DNTTIP2: variants seen among roughly 807,000 people sequenced by gnomAD.
The protein encoded by DNTTIP2 is deoxynucleotidyltransferase terminal interacting protein 2, also known as deoxynucleotidyltransferase terminal-interacting protein 2.
In DNTTIP2, 47 loss-of-function variants were observed where a neutral mutation model predicts 62.4. That is an observed-to-expected ratio of 0.75 (90% CI 0.60 to 0.96). The LOEUF is 0.96. Ranked by LOEUF, DNTTIP2 falls within the 40% of genes least tolerant of loss-of-function variation. DNTTIP2 has a pLI of 0.00. For synonymous variants in DNTTIP2, 322 were observed against 300.9 expected (o/e 1.07, Z -0.73); for missense variants, 870 against 849.1 (o/e 1.02, Z -0.31).
At chr1:93,878,892 C>T in intron 1 of DNTTIP2, 185 bp downstream of exon 1, 1 of 706,226 alleles carries the variant, frequency 1.4e-6, no homozygotes. Flanking sequence ...CCTTAAGAGA[C>T]AGTGGTGAAG....
At position 93,869,041 on chromosome 1, in the gene DNTTIP2, G is replaced by C. The variant is rs1655790109; in HGVS notation, c.*810C>G. ...GATATCTCAAGGAAGCAGTATGCTG[G>C]AAAAATAGAGGTAAAGTGAATAGTA... On this transcript the variant is annotated 3_prime_UTR_variant, in exon 7 of 7. Coordinates refer to ENST00000436063, the MANE Select transcript of DNTTIP2 (RefSeq NM_014597.5). 1 of 151,984 alleles carries C rather than the reference G, an allele frequency of 6.6e-6. No homozygotes were observed. The highest frequency in any genetic ancestry group is 1.5e-5 in the Non-Finnish European group (1 of 67,982). The allele number at this position is 151,984 out of a possible 1,614,324, so 9.4% of individuals were successfully genotyped here.
Position 93,876,711 on chromosome 1 carries a change from GAC to G in DNTTIP2, c.1222_1223del (p.Val408GlnfsTer2). The G allele has an allele frequency of 6.2e-7, 1 of 1,613,958 alleles. No homozygotes were observed. The highest frequency in any genetic ancestry group is 8.5e-7 in the Non-Finnish European group (1 of 1,179,882). On this transcript the variant is annotated frameshift_variant, in exon 2 of 7. Transcript: ENST00000436063. LOFTEE classifies it high-confidence loss of function. ...TCCCTTCACTGTTCATGTCTTCACT[GAC>G]ACTTATAACTGTGGACTCTTCTTCA... ...DDEEESTVIS[V>X]SEDMNSEGNV...
At chr1:93,873,769 AAAAT>A (rs957335508) in intron 3 of DNTTIP2, among the ~76,000 whole-genome samples, 9 of 152,230 alleles carry the variant, frequency 5.9e-5, no homozygotes, top group Admixed American at 4.6e-4. Context: ...CCATTTCTCC[AAAAT>A]AAATAAATAA....
chr1:93,869,898 T>C lies in DNTTIP2; in HGVS notation c.2224A>G (p.Asn742Asp), dbSNP rs1307574113. ...TTTCGGAACTTTTTTCCTGCTGCAT[T>C]TGCTGCTTTTTCAGCCATGATCTCT... is the stretch of plus-strand genomic sequence containing the variant. ...YSEIMAEKAA[N>D]AAGKKFRKKK... Residue 742 changes from asparagine to aspartate, a missense_variant, in exon 7 of 7, where the codon AAT becomes GAT. Physicochemically the swap from Asn to Asp is conservative, Grantham distance 23 (BLOSUM62 1). Transcript: ENST00000436063. 1.3e-6 allele frequency: 1 copy of C among 780,224 alleles called. No homozygotes were observed. Among genetic ancestry groups the C allele is most frequent in the Non-Finnish European group, 2.4e-6 (1 of 417,766 alleles). The allele number at this position is 780,224 out of a possible 1,614,324, so 48.3% of individuals were successfully genotyped here.
At position 93,867,055 on chromosome 1, in the gene DNTTIP2, T is replaced by C. The variant is rs138580521; in HGVS notation, c.*2796A>G. The C allele has an allele frequency of 0.017, 2,573 of 151,030 alleles. 30 individuals are homozygous for C. The highest frequency in any genetic ancestry group is 0.023 in the Non-Finnish European group (1,593 of 67,930). 9.4% of individuals were successfully genotyped at this position (151,030 alleles called of 1,614,324 possible). The stretch of plus-strand genomic sequence containing the variant: ...AGGTACTTGGGAGGCTGAGGCAGAA[T>C]TGCTTGAACCCGGGAGGCGGAGGTT... On this transcript the variant is annotated 3_prime_UTR_variant, in exon 7 of 7. Transcript: ENST00000436063.
At position 93,871,769 on chromosome 1, in the gene DNTTIP2, G is replaced by A. The variant is rs75130283; in HGVS notation, c.2067+303C>T. On this transcript the variant is annotated intron_variant, in intron 5 of 6. Transcript: ENST00000436063. ...CGTGATACCCTTTTACCCCTATCCC[G>A]TATGGACTCTTGCTGTTAGGCTGAT... 5.9e-5 allele frequency among the ~76,000 whole-genome samples: 9 copies of A among 152,274 alleles called. No homozygotes were observed. The East Asian group carries it at 1.7e-3, about 29-fold the overall frequency.
intron 4 of DNTTIP2, 132 bp from the exon 5 acceptor site, chr1:93,872,368 A>G (rs1388366802): frequency 1.2e-6 from 1 of 835,892 alleles, no homozygotes; most frequent in Non-Finnish European, 1.8e-6. Context: ...AAAGCACTTA[A>G]ATCCAGAATC....
intron 1 of DNTTIP2, chr1:93,878,741 G>A (rs1656079005): frequency 4.9e-6 from 1 of 205,828 alleles, no homozygotes; most frequent in Non-Finnish European, 9.7e-6. Context: ...CCCCTAAATG[G>A]GGCTTGTGCA....
intron 3 of DNTTIP2, chr1:93,873,425 G>GA: frequency 4.6e-6 from 1 of 218,422 alleles, no homozygotes; most frequent in Non-Finnish European, 8.2e-6. Context: ...GACCCTGACT[G>GA]TAAAAAAAAA....
At chr1:93,874,307 G>C (rs1379530050) in intron 3 of DNTTIP2, among the ~76,000 whole-genome samples, 2 of 152,098 alleles carry the variant, frequency 1.3e-5, no homozygotes, top group African/African-American at 2.4e-5. Flanking sequence ...ACTATGCACG[G>C]AACATCTCAC....
chr1:93,875,270 T>G (rs1238502343), intron 3 of DNTTIP2, among the ~76,000 whole-genome samples: 2 of 152,342 alleles, frequency 1.3e-5, no homozygotes, highest in East Asian at 1.9e-4. Flanking sequence ...AATGTCTATA[T>G]GCACATGTGC....
rs764928632 is a variant in DNTTIP2, at chr1:93,869,830, T to C, written c.*21A>G. The stretch of plus-strand genomic sequence containing the variant: ...GTAAATAAAGGAGCAATGTAAAATG[T>C]TGCAGTTTGCTTGGTAAATCTTAAT... On this transcript the variant is annotated 3_prime_UTR_variant, in exon 7 of 7. Transcript: ENST00000436063. The C allele has an allele frequency of 3.9e-6, 3 of 778,286 alleles. No individual in the cohort carries two copies. Among genetic ancestry groups the C allele is most frequent in the Non-Finnish European group, 7.2e-6 (3 of 416,856 alleles). 48.2% of individuals were successfully genotyped at this position (778,286 alleles called of 1,614,324 possible). A position where few individuals can be genotyped will look rare whatever the true frequency, so the allele number is the denominator to read the frequency against.
At chr1:93,874,376 G>A (rs1041708251) in intron 3 of DNTTIP2, among the ~76,000 whole-genome samples, 2 of 152,144 alleles carry the variant, frequency 1.3e-5, no homozygotes, top group African/African-American at 4.8e-5. Flanking sequence ...CCTGTTTTAG[G>A]AATATAAAGA....
chr1:93,872,858 C>A (rs1655905462), intron 4 of DNTTIP2, among the ~76,000 whole-genome samples: 2 of 151,120 alleles, frequency 1.3e-5, no homozygotes, highest in African/African-American at 4.9e-5. Flanking sequence ...GTCGAAATGG[C>A]AGATAGAAGT....
At chr1:93,873,914 G>A (rs1488046597) in intron 3 of DNTTIP2, among the ~76,000 whole-genome samples, 1 of 152,140 alleles carries the variant, frequency 6.6e-6, no homozygotes, top group Non-Finnish European at 1.5e-5. Context: ...ATTTTTCTCA[G>A]TACAAGAACC....
rs1656037033 is a variant in DNTTIP2, at chr1:93,877,321, C to G, written c.614G>C (p.Ser205Thr). 5.6e-6 allele frequency: 9 copies of G among 1,613,708 alleles called. No individual in the cohort carries two copies. Among genetic ancestry groups the G allele is most frequent in the Non-Finnish European group, 6.8e-6 (8 of 1,179,846 alleles). ...TTGTGCCTTTAATTTCCTCTGCATA[C>G]TCCTGGTTCTTCTAGTTGCAATTCC... ...FSGIATRRTR[S>T]MQRKLKAQTE... Residue 205 changes from serine to threonine, a missense_variant, in exon 2 of 7, where the codon AGT becomes ACT. Transcript: ENST00000436063.
chr1:93,877,140 A>C lies in DNTTIP2; in HGVS notation c.795T>G (p.Phe265Leu), dbSNP rs1656032350. Residue 265 changes from phenylalanine (F) to leucine (L), a missense_variant, in exon 2 of 7, where the codon TTT (phenylalanine) becomes TTG (leucine). Coordinates refer to ENST00000436063, the MANE Select transcript of DNTTIP2 (RefSeq NM_014597.5). ...INKPNFYNND[F>L]DDDFSHRSSE... The stretch of plus-strand genomic sequence containing the variant: ...AACTTCTGTGGGAGAAATCATCATC[A>C]AAGTCATTATTATAGAAATTTGGCT... 1 of 1,612,270 alleles carries C rather than the reference A, an allele frequency of 6.2e-7. No homozygotes were observed. The highest frequency in any genetic ancestry group is 8.5e-7 in the Non-Finnish European group (1 of 1,179,842).
rs747126572 is a variant in DNTTIP2, at chr1:93,876,369, CTCTTCT to C, written c.1560_1565del (p.Glu523_Glu524del). 6.4e-7 allele frequency: 1 copy of C among 1,572,380 alleles called. No individual in the cohort carries two copies. The highest frequency in any genetic ancestry group is 8.6e-7 in the Non-Finnish European group (1 of 1,157,546). On this transcript the variant is annotated inframe_deletion, in exon 2 of 7. Transcript: ENST00000436063. ...CTTCTTCACTTTTTTCATCCTCTTC[CTCTTCT>C]TTTTCTTCCTCAATGGCAACCTCAC...
At chr1:93,870,813 T>A in intron 5 of DNTTIP2, 21 bp from the exon 6 acceptor site, 1 of 1,401,584 alleles carries the variant, frequency 7.1e-7, no homozygotes, top group Non-Finnish European at 9.7e-7. Flanking sequence ...TTGATTGAAA[T>A]AAGTCATGCA....
Sources: gnomAD v4.1 joint callset for allele counts (sites outside exome capture counted in the v4.1 genomes callset) on GRCh38, gnomAD v4.1.1 for gene constraint, MANE v1.5 for transcripts, NCBI Gene and HGNC (gene_info 2026-07-23, HGNC 2026-07-21) for gene names.